JPH3: variants seen among roughly 807,000 people sequenced by gnomAD.
JPH3 encodes the protein junctophilin 3.
In JPH3, 11 loss-of-function variants were observed where a neutral mutation model predicts 59.6. The ratio of observed to expected loss-of-function variants is 0.18; its 90% confidence interval spans 0.12 to 0.31. JPH3 has a LOEUF of 0.31. Among genes scored for constraint, JPH3 ranks in the 10% least tolerant of loss-of-function variants. JPH3 has a pLI of 1.00. For missense variants in JPH3, 1,202 were observed against 1,105.7 expected (o/e 1.09, Z -1.24); for synonymous variants, 673 against 483.6 (o/e 1.39, Z -5.14).
chr16:87,676,615 T>C (rs780300340), intron 2 of JPH3, among the ~76,000 whole-genome samples: 4 of 151,548 alleles, frequency 2.6e-5, no homozygotes, highest in Non-Finnish European at 5.9e-5. Flanking sequence ...GCGCCTGTAA[T>C]CCCAGCTACA....
At chr16:87,660,729 C>T (rs149365786) in intron 2 of JPH3, among the ~76,000 whole-genome samples, 54 of 152,304 alleles carry the variant, frequency 3.5e-4, no homozygotes, top group African/African-American at 1.1e-3. Context: ...ACTGTCATAT[C>T]GCCTGTCTGA....
chr16:87,623,837 C>A lies in JPH3; in HGVS notation c.382+20309C>A, dbSNP rs975115729. On this transcript the variant is annotated intron_variant, in intron 1 of 4. Transcript: ENST00000284262. ...AAACTGTGGGGTCCTCCCTGGGGACCACATGCCCAGCTGTGGGGTCCCCCG... is the reference window on the plus strand; with the variant it reads ...AAACTGTGGGGTCCTCCCTGGGGACAACATGCCCAGCTGTGGGGTCCCCCG... Among the ~76,000 whole-genome samples, 3 of 152,242 alleles carry A rather than the reference C, an allele frequency of 2.0e-5. No homozygotes were observed. The South Asian group carries it at 6.2e-4, about 31-fold the overall frequency.
At chr16:87,689,581 A>AC in intron 3 of JPH3, 65 bp from the exon 4 acceptor site, 1 of 1,534,612 alleles carries the variant, frequency 6.5e-7, no homozygotes, top group Non-Finnish European at 8.8e-7. Context: ...TGGCCCGGGG[A>AC]CCGCGGCCTC....
intron 1 of JPH3, among the ~76,000 whole-genome samples, chr16:87,635,034 C>T (rs1015907640): frequency 2.6e-5 from 4 of 152,228 alleles, no homozygotes; most frequent in Non-Finnish European, 4.4e-5. Flanking sequence ...TCCCCTTTTC[C>T]CTCCACTGGA....
intron 2 of JPH3, among the ~76,000 whole-genome samples, chr16:87,658,044 A>C (rs1026760430): frequency 2.0e-5 from 3 of 152,060 alleles, no homozygotes; most frequent in Admixed American, 1.3e-4. Context: ...GGGGGCCCAC[A>C]CCCTGGTCTT....
intron 1 of JPH3, among the ~76,000 whole-genome samples, chr16:87,612,037 G>A (rs993541210): frequency 6.6e-6 from 1 of 152,244 alleles, no homozygotes; most frequent in African/African-American, 2.4e-5. Flanking sequence ...CTTCATCTAG[G>A]TTGCTTTAGA....
intron 2 of JPH3, among the ~76,000 whole-genome samples, chr16:87,663,794 G>A (rs1012210355): frequency 1.3e-5 from 2 of 152,212 alleles, no homozygotes; most frequent in African/African-American, 2.4e-5. Flanking sequence ...CCGTGTTAAT[G>A]TGTCTCTGAA....
chr16:87,689,128 G>A (rs964705292), intron 3 of JPH3, among the ~76,000 whole-genome samples: 1 of 152,184 alleles, frequency 6.6e-6, no homozygotes, highest in Admixed American at 6.5e-5. Context: ...AGGGAAGTCG[G>A]CTCCTGGGCT....
chr16:87,623,234 C>T (rs1346149734), intron 1 of JPH3, among the ~76,000 whole-genome samples: 1 of 152,220 alleles, frequency 6.6e-6, no homozygotes, highest in African/African-American at 2.4e-5. Context: ...TTTGAGCATC[C>T]CTCCCCCAAG....
intron 1 of JPH3, among the ~76,000 whole-genome samples, chr16:87,641,372 C>T (rs898726685): frequency 6.6e-6 from 1 of 152,138 alleles, no homozygotes; most frequent in East Asian, 1.9e-4. Context: ...GAGGTTGTTT[C>T]CGACGTTGAT....
At chr16:87,656,946 C>T (rs2032523017) in intron 2 of JPH3, among the ~76,000 whole-genome samples, 1 of 152,190 alleles carries the variant, frequency 6.6e-6, no homozygotes, top group Admixed American at 6.5e-5. Context: ...TGGAGAGGAT[C>T]TCCCTCTCCT....
At position 87,644,443 on chromosome 16, in the gene JPH3, G is replaced by A. The variant is rs1204791592; in HGVS notation, c.568G>A (p.Ala190Thr). The A allele has an allele frequency of 1.9e-6, 3 of 1,612,364 alleles. No individual in the cohort carries two copies. The highest frequency in any genetic ancestry group is 1.7e-5 in the Admixed American group (1 of 59,984). Residue 190 changes from alanine to threonine, a missense_variant, in exon 2 of 5, where the codon GCC (alanine) becomes ACC (threonine). Ala to Thr is a moderately conservative substitution (Grantham distance 58). Transcript: ENST00000284262. Reference sequence around the variant, plus strand: ...CTCTCCGGCGGTGGCCGGCAGCCCGGCCGTGTCCCGCGGGGGCTTCGTGCT... The same window carrying A: ...CTCTCCGGCGGTGGCCGGCAGCCCGACCGTGTCCCGCGGGGGCTTCGTGCT... ...DASPAVAGSP[A>T]VSRGGFVLVA...
intron 1 of JPH3, among the ~76,000 whole-genome samples, chr16:87,626,919 T>A (rs1371539322): frequency 1.3e-5 from 2 of 152,222 alleles, no homozygotes; most frequent in South Asian, 2.1e-4. Flanking sequence ...GGTGGAAGGA[T>A]CTCTTGAGGC....
intron 1 of JPH3, among the ~76,000 whole-genome samples, chr16:87,616,758 G>A (rs2030987325): frequency 1.3e-5 from 2 of 152,178 alleles, no homozygotes; most frequent in South Asian, 4.1e-4. Flanking sequence ...CCCTTGTGTT[G>A]CCCTTTTGTA....
intron 2 of JPH3, among the ~76,000 whole-genome samples, chr16:87,646,582 C>T (rs1286861191): frequency 1.3e-5 from 2 of 152,238 alleles, no homozygotes; most frequent in African/African-American, 4.8e-5. Flanking sequence ...AGCATTAGCT[C>T]TGGTCTGATG....
intron 3 of JPH3, 54 bp from the exon 4 acceptor site, chr16:87,689,592 G>T: frequency 6.3e-7 from 1 of 1,576,768 alleles, no homozygotes; most frequent in South Asian, 1.1e-5. Context: ...CCGCGGCCTC[G>T]CTGTGGAATG....
chr16:87,636,541 C>G (rs1010796629), intron 1 of JPH3, among the ~76,000 whole-genome samples: 2 of 152,218 alleles, frequency 1.3e-5, no homozygotes, highest in African/African-American at 4.8e-5. Context: ...GGGGGAAGCC[C>G]TGTCCCTCAC....
At chr16:87,662,176 G>C (rs572293065) in intron 2 of JPH3, among the ~76,000 whole-genome samples, 11 of 152,166 alleles carry the variant, frequency 7.2e-5, no homozygotes, top group African/African-American at 1.2e-4. Context: ...CCGAAGCGCC[G>C]GTCCCAGAGC....
chr16:87,685,475 T>C (rs1259580825), intron 3 of JPH3, among the ~76,000 whole-genome samples: 2 of 152,236 alleles, frequency 1.3e-5, no homozygotes, highest in Non-Finnish European at 2.9e-5. Context: ...CTGGGGCCCC[T>C]CCTTGCCTCG....
Sources: gnomAD v4.1 joint callset for allele counts (sites outside exome capture counted in the v4.1 genomes callset) on GRCh38, gnomAD v4.1.1 for gene constraint, MANE v1.5 for transcripts, NCBI Gene and HGNC (gene_info 2026-07-23, HGNC 2026-07-21) for gene names.